DIAPH3: variants seen among roughly 807,000 people sequenced by gnomAD.
DIAPH3 encodes protein diaphanous homolog 3.
Under a neutral mutation model 144.3 loss-of-function variants are expected in DIAPH3, and 117 were observed. The ratio of observed to expected loss-of-function variants is 0.81; its 90% CI spans 0.70 to 0.95. The LOEUF is 0.95. DIAPH3 is among the 40% of genes least tolerant of loss of function. The pLI is 0.00. For missense variants in DIAPH3, 1,421 were observed against 1,412.7 expected, an observed-to-expected ratio of 1.01 and a Z score of -0.09; for synonymous variants, 519 against 488.9, an observed-to-expected ratio of 1.06 and a Z score of -0.81.
intron 3 of DIAPH3, among the ~76,000 whole-genome samples, chr13:60,101,745 C>G (rs2058274472): frequency 6.6e-6 from 1 of 152,098 alleles, no homozygotes; most frequent in African/African-American, 2.4e-5. Flanking sequence ...ACCTGTCCAC[C>G]ACAGGCATCA....
intron 20 of DIAPH3, among the ~76,000 whole-genome samples, chr13:59,899,255 T>C (rs767626045): frequency 1.3e-5 from 2 of 152,184 alleles, no homozygotes; most frequent in Non-Finnish European, 2.9e-5. Context: ...GAGTCAAAAC[T>C]GCTTAATAAA....
At position 59,911,787 on chromosome 13, in the gene DIAPH3, T is replaced by C. The variant is rs1593949118; in HGVS notation, c.2315A>G (p.Gln772Arg). 1 of 1,613,622 alleles carries C rather than the reference T, an allele frequency of 6.2e-7. No homozygotes were observed. Among genetic ancestry groups the C allele is most frequent in the Non-Finnish European group, 8.5e-7 (1 of 1,179,696 alleles). ...TAAGTTGCTATATTCACTCTTGAAC[T>C]GAGACAATGAATTTAATTGCTCTTG... Reference protein sequence around the residue: ...PDQEQLNSLSQFKSEYSNLCE... With the variant: ...PDQEQLNSLSRFKSEYSNLCE... Residue 772 changes from glutamine (Q) to arginine (R), a missense_variant, in exon 20 of 28, where the codon CAG (glutamine) becomes CGG (arginine). By Grantham distance (43) the Gln-to-Arg change is conservative (BLOSUM62 1). Coordinates refer to ENST00000400324, the MANE Select transcript of DIAPH3 (RefSeq NM_001042517.2).
rs766301262 is a variant in DIAPH3 at position 59,971,030 on chromosome 13, G to T, written c.1781C>A (p.Pro594Gln). Residue 594 changes from proline to glutamine, a missense_variant, in exon 16 of 28, where the codon CCA (proline) becomes CAA (glutamine). Coordinates refer to ENST00000400324, the MANE Select transcript of DIAPH3 (RefSeq NM_001042517.2). ...GGGVPPPPPP[P>Q]PPPPLPGMRM... Reference sequence around the variant, plus strand: ...CATTCCTGGAAGTGGAGGAGGTGGTGGGGGAGGAGGTGGAGGCGGCACCCC... The same window carrying T: ...CATTCCTGGAAGTGGAGGAGGTGGTTGGGGAGGAGGTGGAGGCGGCACCCC... 1.2e-6 allele frequency: 2 copies of T among 1,613,568 alleles called. No individual in the cohort carries two copies. The highest frequency in any genetic ancestry group is 2.2e-5 in the East Asian group (1 of 44,798).
At chr13:59,953,373 C>T (rs1011017689) in intron 17 of DIAPH3, among the ~76,000 whole-genome samples, 2 of 152,062 alleles carry the variant, frequency 1.3e-5, no homozygotes, top group African/African-American at 4.8e-5. Context: ...TCAGCATTTT[C>T]CAGATACTGA....
At chr13:59,973,092 C>G (rs1435455494) in intron 15 of DIAPH3, among the ~76,000 whole-genome samples, 3 of 152,180 alleles carry the variant, frequency 2.0e-5, no homozygotes, top group Non-Finnish European at 2.9e-5. Context: ...TGGGTCATCA[C>G]TGTATACAAT....
At chr13:59,990,631 A>T (rs1284562556) in intron 12 of DIAPH3, among the ~76,000 whole-genome samples, 1 of 151,972 alleles carries the variant, frequency 6.6e-6, no homozygotes, top group Non-Finnish European at 1.5e-5. Flanking sequence ...ATTTAGTCAC[A>T]TTATAATGTA....
chr13:60,133,882 G>A (rs150998771), intron 1 of DIAPH3, among the ~76,000 whole-genome samples: 24 of 152,134 alleles, frequency 1.6e-4, no homozygotes, highest in African/African-American at 5.8e-4. Context: ...AGGAAACAAG[G>A]TCTACTCTTT....
intron 2 of DIAPH3, among the ~76,000 whole-genome samples, chr13:60,132,425 A>G (rs1023923066): frequency 2.6e-5 from 4 of 152,186 alleles, no homozygotes; most frequent in Non-Finnish European, 4.4e-5. Flanking sequence ...ATTTAAAAAT[A>G]TATTTCTCAG....
chr13:59,720,296 G>A (rs1404486909), intron 27 of DIAPH3, among the ~76,000 whole-genome samples: 2 of 151,892 alleles, frequency 1.3e-5, no homozygotes, highest in African/African-American at 4.8e-5. Context: ...TCATTATGTG[G>A]TACATGACTA....
intron 2 of DIAPH3, among the ~76,000 whole-genome samples, chr13:60,118,831 T>C (rs1449233473): frequency 6.6e-6 from 1 of 152,222 alleles, no homozygotes; most frequent in Non-Finnish European, 1.5e-5. Context: ...CTCTCATCTT[T>C]GGATTTAAAA....
At chr13:60,107,692 A>G (rs936752591) in intron 3 of DIAPH3, among the ~76,000 whole-genome samples, 1 of 152,210 alleles carries the variant, frequency 6.6e-6, no homozygotes, top group Admixed American at 6.5e-5. Flanking sequence ...ACATTACAAA[A>G]AAGCCTGATA....
intron 2 of DIAPH3, among the ~76,000 whole-genome samples, chr13:60,117,164 C>A (rs529757164): frequency 6.6e-6 from 1 of 152,066 alleles, no homozygotes; most frequent in East Asian, 1.9e-4. Flanking sequence ...ATCACACCTA[C>A]CCCATATGCT....
Position 59,881,400 on chromosome 13 carries a change from T to C in DIAPH3, c.2368-1932A>G, listed in dbSNP as rs182456394. On this transcript the variant is annotated intron_variant, in intron 20 of 27. Coordinates refer to ENST00000400324, the MANE Select transcript of DIAPH3 (RefSeq NM_001042517.2). Reference sequence around the variant, plus strand: ...CAGTAAGTGCCATTATTCATGATTATGAAGCCAGGTACTTGCAATACATAT... The same window carrying C: ...CAGTAAGTGCCATTATTCATGATTACGAAGCCAGGTACTTGCAATACATAT... Among the ~76,000 whole-genome samples the C allele has an allele frequency of 2.5e-4, 38 of 152,248 alleles. 1 individual carries two copies. The highest frequency in any genetic ancestry group is 3.4e-3 in the Middle Eastern group (1 of 294).
intron 27 of DIAPH3, among the ~76,000 whole-genome samples, chr13:59,667,236 C>T (rs2032073355): frequency 6.6e-6 from 1 of 152,172 alleles, no homozygotes; most frequent in Admixed American, 6.5e-5. Flanking sequence ...TATCCTTCCC[C>T]GTCATGTTTT....
At chr13:59,766,810 GA>G (rs1277515207) in intron 27 of DIAPH3, among the ~76,000 whole-genome samples, 2 of 150,366 alleles carry the variant, frequency 1.3e-5, no homozygotes, top group Non-Finnish European at 3.0e-5. Flanking sequence ...AAGAAAGAAA[GA>G]AAGAAAAAAA....
At chr13:60,162,801 TCTCTCTCTCACA>T (rs1440340495) in intron 1 of DIAPH3, among the ~76,000 whole-genome samples, 2 of 138,806 alleles carry the variant, frequency 1.4e-5, no homozygotes, top group African/African-American at 2.6e-5. Flanking sequence ...TCTCTCTCTC[TCTCTCTCTCACA>T]CACACACACA....
intron 20 of DIAPH3, among the ~76,000 whole-genome samples, chr13:59,879,763 G>C (rs2044885800): frequency 6.6e-6 from 1 of 152,010 alleles, no homozygotes; most frequent in Non-Finnish European, 1.5e-5. Context: ...ATTCTAAAAA[G>C]GTAACAAGAT....
intron 17 of DIAPH3, among the ~76,000 whole-genome samples, chr13:59,941,664 A>G (rs914522749): frequency 2.0e-5 from 3 of 152,162 alleles, no homozygotes; most frequent in African/African-American, 7.2e-5. Context: ...GGGAGATGTA[A>G]AAGCACTAAA....
intron 27 of DIAPH3, among the ~76,000 whole-genome samples, chr13:59,700,278 AC>A (rs1447290639): frequency 6.6e-6 from 1 of 152,172 alleles, no homozygotes; most frequent in African/African-American, 2.4e-5. Flanking sequence ...TCAGCTGGAA[AC>A]CTTTGTAATA....
Sources: allele counts gnomAD v4.1 joint callset (sites outside exome capture counted in the v4.1 genomes callset), GRCh38; gene constraint gnomAD v4.1.1; transcripts MANE v1.5; gene names NCBI Gene and HGNC (gene_info 2026-07-23, HGNC 2026-07-21).